EXOC4: variants seen among roughly 807,000 people sequenced by gnomAD.
EXOC4 encodes the protein exocyst complex component 4, also known as SEC8-like 1.
In EXOC4, 71 loss-of-function variants were observed where a neutral mutation model predicts 107.2. That is an observed-to-expected ratio of 0.66 (90% CI 0.55 to 0.81). The LOEUF (loss-of-function observed/expected upper bound fraction) is 0.81, where lower values mean the gene tolerates loss of function less well. Ranked by LOEUF, EXOC4 falls within the 30% of genes least tolerant of loss-of-function variation. The probability of loss-of-function intolerance (pLI) is 0.00; values close to 1 mark genes in which losing one functional copy is unlikely to be tolerated. For synonymous variants in EXOC4, 456 were observed against 441.2 expected, an observed-to-expected ratio of 1.03 and a Z score of -0.42; for missense variants, 1,108 against 1,189.6, an observed-to-expected ratio of 0.93 and a Z score of 1.01.
chr7:133,825,318 T>TC (rs1248461014), intron 11 of EXOC4, among the ~76,000 whole-genome samples: 2 of 152,120 alleles, frequency 1.3e-5, no homozygotes, highest in Non-Finnish European at 2.9e-5. Context: ...TGAGCAATGA[T>TC]CATGCCACTG....
intron 10 of EXOC4, among the ~76,000 whole-genome samples, chr7:133,647,368 G>C (rs1803019082): frequency 6.6e-6 from 1 of 152,056 alleles, no homozygotes; most frequent in African/African-American, 2.4e-5. Context: ...TAAAATGATT[G>C]AGCCCTAGTG....
intron 9 of EXOC4, among the ~76,000 whole-genome samples, chr7:133,620,263 G>C (rs1308980555): frequency 6.6e-6 from 1 of 151,922 alleles, no homozygotes. Flanking sequence ...CTGACCTTAA[G>C]TGATCCACCC....
intron 12 of EXOC4, among the ~76,000 whole-genome samples, chr7:133,913,041 A>G (rs1799731252): frequency 2.6e-5 from 4 of 152,168 alleles, no homozygotes; most frequent in Admixed American, 2.6e-4. Flanking sequence ...GAGCTGGGGC[A>G]ATGCTTGACA....
intron 1 of EXOC4, among the ~76,000 whole-genome samples, chr7:133,256,435 A>G (rs1350353321): frequency 6.6e-6 from 1 of 152,324 alleles, no homozygotes; most frequent in East Asian, 1.9e-4. Flanking sequence ...TCGTGTTTAT[A>G]AGGTCTGAGC....
chr7:133,427,177 C>CT (rs1344773362), intron 7 of EXOC4, among the ~76,000 whole-genome samples: 27 of 152,014 alleles, frequency 1.8e-4, no homozygotes, highest in African/African-American at 6.5e-4. Flanking sequence ...GCCTCATAAG[C>CT]TAGGGGATGA....
chr7:133,905,989 G>T (rs1799556570), intron 12 of EXOC4, among the ~76,000 whole-genome samples: 1 of 152,172 alleles, frequency 6.6e-6, no homozygotes, highest in South Asian at 2.1e-4. Context: ...CATGGTGCGT[G>T]GGAGAAAGGT....
chr7:133,515,190 A>G (rs986345912), intron 9 of EXOC4, among the ~76,000 whole-genome samples: 1 of 152,110 alleles, frequency 6.6e-6, no homozygotes, highest in Admixed American at 6.5e-5. Flanking sequence ...AACTGGACCA[A>G]TATTGTTTGT....
chr7:134,058,579 C>T (rs868354263), intron 17 of EXOC4, among the ~76,000 whole-genome samples: 5 of 152,164 alleles, frequency 3.3e-5, no homozygotes, highest in Non-Finnish European at 7.4e-5. Flanking sequence ...CACTGAATTC[C>T]CAGATCAAAT....
At chr7:134,015,606 G>A (rs1794887051) in intron 17 of EXOC4, among the ~76,000 whole-genome samples, 1 of 152,164 alleles carries the variant, frequency 6.6e-6, no homozygotes, top group Non-Finnish European at 1.5e-5. Flanking sequence ...GCTAGGCACG[G>A]TGGCTCACAC....
chr7:133,494,569 G>GGATTTACAA (rs1799436911), intron 9 of EXOC4, among the ~76,000 whole-genome samples: 1 of 152,182 alleles, frequency 6.6e-6, no homozygotes, highest in African/African-American at 2.4e-5. Flanking sequence ...AATATGTCAT[G>GGATTTACAA]AATCATTTTT....
intron 10 of EXOC4, among the ~76,000 whole-genome samples, chr7:133,681,646 A>G (rs1794189666): frequency 6.6e-6 from 1 of 152,078 alleles, no homozygotes; most frequent in Non-Finnish European, 1.5e-5. Flanking sequence ...CCCCTACAAC[A>G]TGTGGGAATT....
chr7:133,431,321 C>T (rs996591656), intron 7 of EXOC4, among the ~76,000 whole-genome samples: 4 of 152,134 alleles, frequency 2.6e-5, no homozygotes, highest in Admixed American at 2.6e-4. Flanking sequence ...CTGAGGCTAG[C>T]ATTCATAACA....
chr7:133,698,443 G>A (rs907170699), intron 10 of EXOC4, among the ~76,000 whole-genome samples: 1 of 152,018 alleles, frequency 6.6e-6, no homozygotes, highest in Non-Finnish European at 1.5e-5. Context: ...TTAGCTGGGT[G>A]TAGTGGCGCC....
Position 133,690,915 on chromosome 7 carries a change from G to A in EXOC4, c.1514+60774G>A, listed in dbSNP as rs80170423. On this transcript the variant is annotated intron_variant, in intron 10 of 17. Coordinates refer to ENST00000253861, the MANE Select transcript of EXOC4 (RefSeq NM_021807.4). ...GCTAATTCAGTCTCATCCAGGTGCC[G>A]ACTCCTCATCTTGTGATAACTTGTG... 8.4e-3 allele frequency among the ~76,000 whole-genome samples: 1,283 copies of A among 152,194 alleles called. 6 individuals are homozygous for A. Among genetic ancestry groups the A allele is most frequent in the South Asian group, 0.023 (113 of 4,820 alleles).
chr7:134,071,420 C>G (rs924386546), downstream of EXOC4, among the ~76,000 whole-genome samples: 3 of 152,298 alleles, frequency 2.0e-5, no homozygotes, highest in Non-Finnish European at 2.9e-5. Flanking sequence ...GACTGGTGTC[C>G]TAAAGGACCA....
At chr7:133,543,862 T>C (rs914244111) in intron 9 of EXOC4, among the ~76,000 whole-genome samples, 3 of 152,142 alleles carry the variant, frequency 2.0e-5, no homozygotes, top group African/African-American at 4.8e-5. Context: ...GTGCTGTGAG[T>C]GACAGAAACT....
At chr7:133,938,920 A>C (rs917168914) in intron 14 of EXOC4, among the ~76,000 whole-genome samples, 1 of 152,192 alleles carries the variant, frequency 6.6e-6, no homozygotes, top group Non-Finnish European at 1.5e-5. Context: ...CTCATGCTTC[A>C]GCCTCCCGAG....
At chr7:133,309,815 C>T (rs1794831700) in intron 4 of EXOC4, among the ~76,000 whole-genome samples, 1 of 152,112 alleles carries the variant, frequency 6.6e-6, no homozygotes, top group Non-Finnish European at 1.5e-5. Flanking sequence ...TGGTACGTGC[C>T]TGTAGTCCCA....
At chr7:133,472,129 G>T (rs1798894610) in intron 7 of EXOC4, among the ~76,000 whole-genome samples, 1 of 152,156 alleles carries the variant, frequency 6.6e-6, no homozygotes, top group African/African-American at 2.4e-5. Context: ...GAGAGAATAA[G>T]ATACGCTTGG....
Sources: gnomAD v4.1 joint callset for allele counts (sites outside exome capture counted in the v4.1 genomes callset) on GRCh38, gnomAD v4.1.1 for gene constraint, MANE v1.5 for transcripts, NCBI Gene and HGNC (gene_info 2026-07-23, HGNC 2026-07-21) for gene names.